The following LANCL1 variants were observed in gnomAD, a reference collection of about 807,000 sequenced individuals.
LANCL1 encodes LanC like glutathione S-transferase 1.
Under a neutral mutation model 50.6 loss-of-function variants are expected in LANCL1, and 50 were observed. The ratio of observed to expected loss-of-function variants is 0.99; its 90% CI spans 0.79 to 1.25. The LOEUF (loss-of-function observed/expected upper bound fraction) is 1.25, where lower values mean the gene tolerates loss of function less well. Ranked by LOEUF, LANCL1 falls within the 50% of genes most tolerant of loss-of-function variation. LANCL1 has a pLI of 0.00. For synonymous variants in LANCL1, 188 were observed against 178.6 expected (o/e 1.05, Z -0.42); for missense variants, 532 against 480.7 (o/e 1.11, Z -1.00).
intron 4 of LANCL1, among the ~76,000 whole-genome samples, chr2:210,453,212 GACA>G (rs771319497): frequency 2.0e-5 from 3 of 152,126 alleles, no homozygotes; most frequent in Non-Finnish European, 4.4e-5. Context: ...AAAGGTAAAT[GACA>G]ACAACACCCT....
intron 3 of LANCL1, among the ~76,000 whole-genome samples, chr2:210,459,475 A>G (rs1486757764): frequency 1.3e-5 from 2 of 152,160 alleles, no homozygotes; most frequent in Non-Finnish European, 2.9e-5. Flanking sequence ...GTCTACAGTA[A>G]TATAAGTTAA....
At chr2:210,456,749 G>T (rs3856339) in intron 3 of LANCL1, among the ~76,000 whole-genome samples, 1 of 151,924 alleles carries the variant, frequency 6.6e-6, no homozygotes, top group Non-Finnish European at 1.5e-5. Flanking sequence ...AACTCTCCTA[G>T]TTAAGTTATG....
intron 3 of LANCL1, among the ~76,000 whole-genome samples, chr2:210,466,069 T>A (rs943318370): frequency 6.6e-6 from 1 of 152,240 alleles, no homozygotes; most frequent in African/African-American, 2.4e-5. Context: ...CAGGAAAGCT[T>A]GGACAACAAG....
chr2:210,457,415 T>C (rs905729416), intron 3 of LANCL1, among the ~76,000 whole-genome samples: 2 of 152,098 alleles, frequency 1.3e-5, no homozygotes, highest in Non-Finnish European at 2.9e-5. Flanking sequence ...CTGTTGACAA[T>C]AACCATGCAT....
Position 210,470,507 on chromosome 2 carries a change from T to G in LANCL1, c.199+1452A>C, listed in dbSNP as rs975042239. Reference sequence around the variant, plus strand: ...TGGGACAAGTGTTTTGGATTTCAAATATTGAAATATTTGGCTTATATTTAC... The same window carrying G: ...TGGGACAAGTGTTTTGGATTTCAAAGATTGAAATATTTGGCTTATATTTAC... On this transcript the variant is annotated intron_variant, in intron 3 of 9. Transcript: ENST00000450366. Among the ~76,000 whole-genome samples the G allele has an allele frequency of 1.2e-4, 18 of 152,200 alleles. 1 individual carries two copies. Among genetic ancestry groups the G allele is most frequent in the African/African-American group, 3.9e-4 (16 of 41,446 alleles).
chr2:210,471,470 C>T (rs1371506168), intron 3 of LANCL1: 2 of 410,598 alleles, frequency 4.9e-6, no homozygotes, highest in Non-Finnish European at 9.7e-6. Context: ...CAGCAATGAC[C>T]ATATGGGAGG....
chr2:210,460,834 T>C (rs1208706452), intron 3 of LANCL1: 1 of 152,106 alleles, frequency 6.6e-6, no homozygotes, highest in African/African-American at 2.4e-5. Flanking sequence ...TTTAATAATA[T>C]TGCCCCAAAC....
chr2:210,443,238 A>C (rs963653279), intron 4 of LANCL1, among the ~76,000 whole-genome samples: 2 of 152,182 alleles, frequency 1.3e-5, no homozygotes, highest in Admixed American at 6.5e-5. Context: ...ACCTCTGAGA[A>C]TGTTCCCTTT....
chr2:210,476,524 G>A, intron 1 of LANCL1, 96 bp downstream of exon 1: 2 of 1,408,220 alleles, frequency 1.4e-6, no homozygotes, highest in South Asian at 1.6e-5. Flanking sequence ...GGGCCATCGA[G>A]CCGTCTCGGC....
chr2:210,467,561 A>G (rs770865336), intron 3 of LANCL1, among the ~76,000 whole-genome samples: 2 of 152,232 alleles, frequency 1.3e-5, no homozygotes, highest in Non-Finnish European at 2.9e-5. Flanking sequence ...AATACAGAAC[A>G]GATTAAATGT....
intron 3 of LANCL1, among the ~76,000 whole-genome samples, chr2:210,466,445 A>G (rs1694062599): frequency 6.6e-6 from 1 of 152,114 alleles, no homozygotes; most frequent in Non-Finnish European, 1.5e-5. Context: ...TTTTTACTTT[A>G]TTTACTGCCC....
chr2:210,471,372 T>A (rs190141228), intron 3 of LANCL1: 147 of 336,834 alleles, frequency 4.4e-4, no homozygotes, highest in African/African-American at 2.8e-3. Context: ...CTTTCTCACC[T>A]TTTTTTGACA....
rs1048092659 is a variant in LANCL1 at position 210,433,115 on chromosome 2, T to G, written c.*1372A>C. On this transcript the variant is annotated 3_prime_UTR_variant, in exon 10 of 10. Transcript: ENST00000450366. ...TGTGAAATAGGCACATTTAAAATACTTAGACCCTGTTATTTTAAAGCTACA... is the reference window on the plus strand; with the variant it reads ...TGTGAAATAGGCACATTTAAAATACGTAGACCCTGTTATTTTAAAGCTACA... The G allele has an allele frequency of 1.3e-5, 2 of 152,578 alleles. No individual in the cohort carries two copies. The highest frequency in any genetic ancestry group is 6.5e-5 in the Admixed American group (1 of 15,276). The allele number at this position is 152,578 out of a possible 1,614,324, so 9.5% of individuals were successfully genotyped here.
chr2:210,476,558 C>T, intron 1 of LANCL1, 62 bp downstream of exon 1: 1 of 1,398,498 alleles, frequency 7.2e-7, no homozygotes, highest in Non-Finnish European at 9.3e-7. Context: ...CTCGGGCCCA[C>T]TGCGGCCCAA....
intron 2 of LANCL1, among the ~76,000 whole-genome samples, chr2:210,473,596 AAT>A (rs1694280563): frequency 2.0e-5 from 3 of 152,182 alleles, no homozygotes; most frequent in Admixed American, 2.0e-4. Context: ...CATTTTTAAA[AAT>A]GAGATAAAAT....
chr2:210,468,712 C>G (rs950835736), intron 3 of LANCL1: 1 of 152,234 alleles, frequency 6.6e-6, no homozygotes, highest in African/African-American at 2.4e-5. Flanking sequence ...ATGACTGGAT[C>G]TTCAGCAGCC....
At chr2:210,449,131 G>A (rs1026498613) in intron 4 of LANCL1, among the ~76,000 whole-genome samples, 2 of 152,162 alleles carry the variant, frequency 1.3e-5, no homozygotes, top group Non-Finnish European at 2.9e-5. Flanking sequence ...AAATCCAGCA[G>A]CACATCAAAA....
intron 4 of LANCL1, 53 bp downstream of exon 4, chr2:210,455,054 G>C: frequency 6.9e-7 from 1 of 1,446,004 alleles, no homozygotes; most frequent in South Asian, 1.2e-5. Flanking sequence ...AACACATGCA[G>C]AATTAATGCA....
Position 210,465,857 on chromosome 2 carries a change from G to C in LANCL1, c.199+6102C>G, listed in dbSNP as rs191217150. On this transcript the variant is annotated intron_variant, in intron 3 of 9. Transcript: ENST00000450366. ...GAAAAGGTTTTGAACCCTATTCTGGGGGGGGAAAAGCCACAAAGGACATGC... is the reference window on the plus strand; with the variant it reads ...GAAAAGGTTTTGAACCCTATTCTGGCGGGGGAAAAGCCACAAAGGACATGC... 4.2e-3 allele frequency among the ~76,000 whole-genome samples: 641 copies of C among 152,286 alleles called. 1 individual carries two copies. The highest frequency in any genetic ancestry group is 6.1e-3 in the Non-Finnish European group (418 of 68,028).
Sources: allele counts gnomAD v4.1 joint callset (sites outside exome capture counted in the v4.1 genomes callset), GRCh38; gene constraint gnomAD v4.1.1; transcripts MANE v1.5; gene names NCBI Gene and HGNC (gene_info 2026-07-23, HGNC 2026-07-21).